GPHN: variants seen among roughly 807,000 people sequenced by gnomAD.
GPHN encodes the protein gephyrin.
A neutral mutation model predicts 95.5 loss-of-function variants in GPHN; 17 were observed. The observed-to-expected ratio is 0.18, with a 90% CI of 0.12 to 0.27. The LOEUF is 0.27. Among genes scored for constraint, GPHN ranks in the 10% least tolerant of loss-of-function variants. The pLI is 1.00. For synonymous variants in GPHN, 320 were observed against 322.5 expected, an observed-to-expected ratio of 0.99 and a Z score of 0.08; for missense variants, 660 against 978.1, an observed-to-expected ratio of 0.67 and a Z score of 4.34.
chr14:67,390,715 C>T, the GPHN span: 335 of 1,613,738 alleles, frequency 2.1e-4, 1 homozygote, highest in Non-Finnish European at 6.4e-5. Flanking sequence ...TAGAACAAAG[C>T]GACGCACCTT....
the GPHN span, among the ~76,000 whole-genome samples, chr14:67,341,923 C>G: frequency 2.0e-5 from 3 of 151,972 alleles, no homozygotes; most frequent in Admixed American, 2.0e-4. Flanking sequence ...GCTGTGTCCA[C>G]TCAGGGTTAA....
the GPHN span, chr14:67,678,402 G>A: frequency 1.9e-6 from 3 of 1,613,654 alleles, no homozygotes; most frequent in Non-Finnish European, 1.7e-6. Flanking sequence ...CTTGGGCAGA[G>A]ACCCATGCCA....
At chr14:67,180,692 C>G (rs977724865) in intron 22 of GPHN, 112 bp from the exon 23 acceptor site, 59 of 991,398 alleles carry the variant, frequency 6.0e-5, no homozygotes, top group Non-Finnish European at 8.7e-5. Flanking sequence ...ATCATCCCTT[C>G]TCCTCTTGAA....
the GPHN span, among the ~76,000 whole-genome samples, chr14:67,331,902 T>C: frequency 2.8e-5 from 4 of 145,370 alleles, no homozygotes; most frequent in Non-Finnish European, 4.4e-5. Flanking sequence ...AAGGATTCTG[T>C]GTGCCATATT....
intron 1 of GPHN, among the ~76,000 whole-genome samples, chr14:66,657,672 A>C (rs1349583116): frequency 6.6e-6 from 1 of 152,186 alleles, no homozygotes; most frequent in East Asian, 1.9e-4. Flanking sequence ...ATGAAACAAC[A>C]AAGCTAAATC....
chr14:66,518,602 T>C (rs1262836265), intron 1 of GPHN, among the ~76,000 whole-genome samples: 2 of 152,062 alleles, frequency 1.3e-5, no homozygotes, highest in Non-Finnish European at 2.9e-5. Flanking sequence ...CAACAGCAGA[T>C]TAATGGGCAA....
intron 1 of GPHN, among the ~76,000 whole-genome samples, chr14:66,530,080 G>A (rs570205522): frequency 1.3e-5 from 2 of 152,296 alleles, no homozygotes; most frequent in South Asian, 4.1e-4. Flanking sequence ...CTGTCCCAGG[G>A]CGATGGAGGT....
chr14:67,080,876 G>A (rs905575739), intron 11 of GPHN, among the ~76,000 whole-genome samples: 2 of 152,050 alleles, frequency 1.3e-5, no homozygotes, highest in African/African-American at 4.8e-5. Context: ...TTTCATTCCT[G>A]AATTACTTCA....
chr14:67,316,857 A>G, the GPHN span: 1 of 1,612,566 alleles, frequency 6.2e-7, no homozygotes. Context: ...AGCAAAGGGA[A>G]GCCATGAAAC....
chr14:67,599,921 A>G, the GPHN span: 1 of 936,392 alleles, frequency 1.1e-6, no homozygotes, highest in Non-Finnish European at 1.6e-6. Flanking sequence ...CTATCACTGT[A>G]GGAGGGGCCG....
chr14:66,860,516 A>T (rs1314206895), intron 4 of GPHN, among the ~76,000 whole-genome samples: 3 of 152,044 alleles, frequency 2.0e-5, no homozygotes, highest in Non-Finnish European at 2.9e-5. Context: ...AAAGAAAAGG[A>T]TGCTAATGAG....
intron 10 of GPHN, among the ~76,000 whole-genome samples, chr14:67,044,259 C>T (rs928355399): frequency 3.3e-5 from 5 of 152,108 alleles, no homozygotes; most frequent in Admixed American, 3.3e-4. Flanking sequence ...ATTGCTTGAA[C>T]CCAGGAGGTG....
At chr14:67,341,794 G>A in the GPHN span, among the ~76,000 whole-genome samples, 1 of 152,256 alleles carries the variant, frequency 6.6e-6, no homozygotes, top group Non-Finnish European at 1.5e-5. Context: ...CTGTGTCTGT[G>A]TAGAAAGAAG....
At chr14:67,360,286 G>T in the GPHN span, 3 of 398,774 alleles carry the variant, frequency 7.5e-6, no homozygotes, top group Middle Eastern at 6.2e-4. Flanking sequence ...ATGAAGAGGG[G>T]CCTCTATTCG....
At chr14:66,993,838 TTA>T (rs1387303313) in intron 9 of GPHN, among the ~76,000 whole-genome samples, 5 of 152,170 alleles carry the variant, frequency 3.3e-5, no homozygotes, top group Non-Finnish European at 7.4e-5. Flanking sequence ...TGGCATTTAC[TTA>T]TATTAATAAT....
the GPHN span, among the ~76,000 whole-genome samples, chr14:67,493,519 A>T: frequency 1.3e-5 from 2 of 152,188 alleles, no homozygotes; most frequent in African/African-American, 4.8e-5. Context: ...CTTCTGCAGG[A>T]GTAAATTGCC....
the GPHN span, chr14:67,652,193 T>C: frequency 2.6e-5 from 4 of 152,378 alleles, no homozygotes; most frequent in African/African-American, 9.6e-5. Context: ...CCTGGATTTG[T>C]TGCTGTTAGC....
the GPHN span, chr14:67,323,615 A>AATAT: frequency 8.5e-3 from 2,215 of 259,584 alleles, 16 homozygotes; most frequent in African/African-American, 9.7e-3. Context: ...CCCTTAATCT[A>AATAT]ATATATATAT....
chr14:66,720,460 A>G (rs56228899), intron 2 of GPHN, among the ~76,000 whole-genome samples: 25,628 of 152,172 alleles, frequency 0.17, 2,508 homozygotes, highest in Non-Finnish European at 0.23. Context: ...AGGCTAAGGC[A>G]TGAGAATCAC....
Sources: gnomAD v4.1 joint callset for allele counts (sites outside exome capture counted in the v4.1 genomes callset) on GRCh38, gnomAD v4.1.1 for gene constraint, MANE v1.5 for transcripts, NCBI Gene and HGNC (gene_info 2026-07-23, HGNC 2026-07-21) for gene names.